Variants in NDE1 observed in about 807,000 individuals in gnomAD.
The protein encoded by NDE1 is nuclear distribution protein nudE homolog 1.
A neutral mutation model predicts 43.4 loss-of-function variants in NDE1; 28 were observed. The observed-to-expected ratio is 0.65, with a 90% CI of 0.48 to 0.89. The LOEUF is 0.89. Ranked by LOEUF, NDE1 falls within the 40% of genes least tolerant of loss-of-function variation. The pLI is 0.00. For missense variants in NDE1, 441 were observed against 434.1 expected, an observed-to-expected ratio of 1.02 and a Z score of -0.14; for synonymous variants, 184 against 172.0, an observed-to-expected ratio of 1.07 and a Z score of -0.55.
intron 8 of NDE1, among the ~76,000 whole-genome samples, chr16:15,704,923 C>A (rs1301692967): frequency 4.6e-5 from 7 of 152,182 alleles, no homozygotes; most frequent in African/African-American, 1.7e-4. Flanking sequence ...AAGCAGTTCT[C>A]CTACCTTGGC....
At chr16:15,692,410 CT>C (rs1218767109) in intron 6 of NDE1, among the ~76,000 whole-genome samples, 4 of 152,066 alleles carry the variant, frequency 2.6e-5, no homozygotes, top group African/African-American at 9.7e-5. Flanking sequence ...GTGCAGAGCC[CT>C]TCTGTTTAGT....
chr16:15,697,097 A>T, intron 8 of NDE1: 1 of 976,486 alleles, frequency 1.0e-6, no homozygotes, highest in Non-Finnish European at 1.2e-6. Context: ...CACCTAGGCT[A>T]GAATACGATG....
rs920151829 is a variant in NDE1, at chr16:15,703,296, C to A, written c.947+6436C>A. ...CTGTGCGTGTCTGAGGTGTGGAAAC[C>A]AGGAGAGGGGGAAAGAATTCTCAAA... On this transcript the variant is annotated intron_variant, in intron 8 of 8. Transcript: ENST00000396354. 6.2e-5 allele frequency: 14 copies of A among 227,024 alleles called. No individual in the cohort carries two copies. In the Admixed American group the frequency reaches 7.0e-4, roughly 11 times the overall value. 14.1% of individuals were successfully genotyped at this position (227,024 alleles called of 1,614,324 possible). A position where few individuals can be genotyped will look rare whatever the true frequency, so the allele number is the denominator to read the frequency against.
At position 15,665,799 on chromosome 16, in the gene NDE1, C is replaced by T. The variant is rs1248497748; in HGVS notation, c.83+938C>T. On this transcript the variant is annotated intron_variant, in intron 2 of 8. Transcript: ENST00000396354. Reference sequence around the variant, plus strand: ...GAGATGGAGTTTCGCTCTTCTTGCCCAGGCTGTAGTGCAATGGCATGATCT... The same window carrying T: ...GAGATGGAGTTTCGCTCTTCTTGCCTAGGCTGTAGTGCAATGGCATGATCT... Among the ~76,000 whole-genome samples the T allele has an allele frequency of 2.0e-5, 3 of 151,346 alleles. No individual in the cohort carries two copies. In the East Asian group the frequency reaches 5.8e-4, roughly 29 times the overall value.
intron 8 of NDE1, chr16:15,718,930 C>T (rs1045646104): frequency 2.2e-5 from 10 of 444,982 alleles, no homozygotes; most frequent in Non-Finnish European, 3.3e-5. Flanking sequence ...GAGTTCAAGA[C>T]TAGCCTGGCC....
chr16:15,714,846 C>A (rs561130511), intron 8 of NDE1: 3 of 1,599,644 alleles, frequency 1.9e-6, no homozygotes, highest in African/African-American at 2.7e-5. Flanking sequence ...GAAAGGAGCC[C>A]GAGCCCCCAG....
rs1060500728 is a variant in NDE1 at position 15,720,192 on chromosome 16, T to C, written c.948-3999T>C. 10 of 1,613,932 alleles carry C rather than the reference T, an allele frequency of 6.2e-6. No homozygotes were observed. The highest frequency in any genetic ancestry group is 8.5e-6 in the Non-Finnish European group (10 of 1,180,004). On this transcript the variant is annotated intron_variant, in intron 8 of 8. Coordinates refer to ENST00000396354, the MANE Select transcript of NDE1 (RefSeq NM_017668.3). Reference sequence around the variant, plus strand: ...TGCTTGATGGCTTCCTCCCTCCCCTTGATGGCAGAGTCGGCCTGAAGCTCC... The same window carrying C: ...TGCTTGATGGCTTCCTCCCTCCCCTCGATGGCAGAGTCGGCCTGAAGCTCC...
intron 4 of NDE1, chr16:15,686,600 C>T (rs1156761022): frequency 2.1e-6 from 2 of 954,698 alleles, no homozygotes; most frequent in African/African-American, 3.5e-5. Context: ...ATCTCTTGAG[C>T]CCAAGAGTTT....
chr16:15,713,692 C>T (rs534500991), intron 8 of NDE1: 1 of 152,312 alleles, frequency 6.6e-6, no homozygotes, highest in African/African-American at 2.4e-5. Flanking sequence ...GAGATGGGGT[C>T]TTGCTGCTCT....
At chr16:15,672,723 C>T (rs1355530860) in intron 3 of NDE1, 3 of 152,162 alleles carry the variant, frequency 2.0e-5, no homozygotes, top group Non-Finnish European at 4.4e-5. Flanking sequence ...CCAGTGCAGT[C>T]GGTGGAGCCC....
At chr16:15,690,320 G>A (rs1430158679) in intron 5 of NDE1, among the ~76,000 whole-genome samples, 1 of 135,048 alleles carries the variant, frequency 7.4e-6, no homozygotes, top group East Asian at 2.3e-4. Context: ...TTATAGGCTT[G>A]AGCCAGTGCA....
chr16:15,689,134 A>G (rs999177643), intron 5 of NDE1, among the ~76,000 whole-genome samples: 11 of 152,214 alleles, frequency 7.2e-5, no homozygotes, highest in South Asian at 2.1e-4. Context: ...AATGAAGTAC[A>G]TAGATGTATT....
chr16:15,654,256 T>G lies in NDE1; in HGVS notation c.-44+3962T>G, dbSNP rs1325022848. On this transcript the variant is annotated intron_variant, in intron 1 of 8. Transcript: ENST00000396354. ...TTTTAAGATAGCAGGTGCAAAGTTG[T>G]ATATACTGAGACCAGGCATTAACAC... 2.0e-5 allele frequency among the ~76,000 whole-genome samples: 3 copies of G among 152,074 alleles called. No individual in the cohort carries two copies. In the East Asian group the frequency reaches 5.8e-4, roughly 29 times the overall value.
chr16:15,678,007 A>G, intron 4 of NDE1, 58 bp downstream of exon 4: 1 of 1,602,988 alleles, frequency 6.2e-7, no homozygotes, highest in Non-Finnish European at 8.5e-7. Context: ...TTTTGTCCCC[A>G]GCAGCTGGGT....
chr16:15,687,628 C>A, intron 5 of NDE1, 117 bp downstream of exon 5: 1 of 1,017,032 alleles, frequency 9.8e-7, no homozygotes, highest in Non-Finnish European at 1.5e-6. Context: ...TGCTCTGCAC[C>A]CAGGTTGTCT....
intron 8 of NDE1, among the ~76,000 whole-genome samples, chr16:15,715,535 C>CTA (rs1370009392): frequency 6.6e-6 from 1 of 152,200 alleles, no homozygotes; most frequent in Non-Finnish European, 1.5e-5. Context: ...CCGTTGATAT[C>CTA]AAGTGTCCAG....
chr16:15,715,351 T>G, intron 8 of NDE1: 2 of 1,352,942 alleles, frequency 1.5e-6, no homozygotes, highest in African/African-American at 1.4e-5. Flanking sequence ...GGAGGTGGCA[T>G]CTTGAGTGCT....
intron 8 of NDE1, chr16:15,719,167 C>A: frequency 6.5e-7 from 1 of 1,532,680 alleles, no homozygotes; most frequent in Non-Finnish European, 9.0e-7. Context: ...GAGGATGCTG[C>A]CTGTCCCCCC....
chr16:15,719,654 G>A, intron 8 of NDE1: 3 of 1,614,196 alleles, frequency 1.9e-6, no homozygotes, highest in Non-Finnish European at 2.5e-6. Flanking sequence ...CTGTGGCAAA[G>A]ATCTCATCTC....
Sources: allele counts gnomAD v4.1 joint callset (sites outside exome capture counted in the v4.1 genomes callset), GRCh38; gene constraint gnomAD v4.1.1; transcripts MANE v1.5; gene names NCBI Gene and HGNC (gene_info 2026-07-23, HGNC 2026-07-21).